ARSJ: variants seen among roughly 807,000 people sequenced by gnomAD.
ARSJ encodes the protein arylsulfatase J.
Under a neutral mutation model 35.9 loss-of-function variants are expected in ARSJ, and 26 were observed. The ratio of observed to expected loss-of-function variants is 0.72; its 90% CI spans 0.53 to 1.00. ARSJ has a LOEUF of 1.00. Among genes scored for constraint, ARSJ ranks in the 50% least tolerant of loss-of-function variants. ARSJ has a pLI of 0.00. For missense variants in ARSJ, 667 were observed against 723.6 expected (o/e 0.92, Z 0.90); for synonymous variants, 294 against 267.6 (o/e 1.10, Z -0.96).
chr4:113,908,451 G>T (rs769371837), intron 1 of ARSJ, among the ~76,000 whole-genome samples: 2 of 152,112 alleles, frequency 1.3e-5, no homozygotes, highest in Non-Finnish European at 2.9e-5. Context: ...ATAAATAAAA[G>T]ATATTTTATT....
At chr4:113,976,860 C>G (rs1727622119) in intron 1 of ARSJ, among the ~76,000 whole-genome samples, 1 of 152,162 alleles carries the variant, frequency 6.6e-6, no homozygotes, top group Admixed American at 6.5e-5. Flanking sequence ...CTTAGTTTCT[C>G]TTTCATTTTA....
chr4:113,924,301 C>G (rs1723915466), intron 1 of ARSJ, among the ~76,000 whole-genome samples: 1 of 151,058 alleles, frequency 6.6e-6, no homozygotes, highest in Non-Finnish European at 1.5e-5. Context: ...CTAGGCCAGT[C>G]TCTCCTTCTC....
intron 1 of ARSJ, chr4:113,970,960 A>C (rs1209853773): frequency 6.6e-6 from 1 of 152,142 alleles, no homozygotes; most frequent in African/African-American, 2.4e-5. Flanking sequence ...ATCTCAAAAA[A>C]CAGTAAAAAA....
intron 1 of ARSJ, among the ~76,000 whole-genome samples, chr4:113,916,899 A>T (rs1723341679): frequency 1.3e-5 from 2 of 152,196 alleles, no homozygotes; most frequent in African/African-American, 4.8e-5. Flanking sequence ...TGGAACAGAA[A>T]ATTTTGTAAC....
chr4:113,903,319 G>A lies in ARSJ; in HGVS notation c.755C>T (p.Ser252Phe), dbSNP rs1207618043. ...AAATATAGGCTTTGTGGGGTTATGG[G>A]AAGCTAAGATTTGCTGTACTCTCTG... ...YTQRVQQILA[S>F]HNPTKPIFLY... Residue 252 changes from serine to phenylalanine, a missense_variant, in exon 2 of 2, where the codon TCC becomes TTC. Physicochemically the swap from Ser to Phe is radical, Grantham distance 155 (BLOSUM62 -2). Transcript: ENST00000315366. 1 of 1,614,160 alleles carries A rather than the reference G, an allele frequency of 6.2e-7. No homozygotes were observed. The highest frequency in any genetic ancestry group is 1.1e-5 in the South Asian group (1 of 91,078).
At chr4:113,966,956 A>G (rs1186251970) in intron 1 of ARSJ, among the ~76,000 whole-genome samples, 1 of 152,178 alleles carries the variant, frequency 6.6e-6, no homozygotes, top group African/African-American at 2.4e-5. Flanking sequence ...AAGTTTCAAG[A>G]AAAGCATATC....
chr4:113,951,699 C>G (rs966040229), intron 1 of ARSJ, among the ~76,000 whole-genome samples: 1 of 152,082 alleles, frequency 6.6e-6, no homozygotes, highest in Non-Finnish European at 1.5e-5. Flanking sequence ...GACGCCTTCT[C>G]TCATTCTTCC....
At chr4:113,918,895 T>C (rs964037623) in intron 1 of ARSJ, among the ~76,000 whole-genome samples, 4 of 152,048 alleles carry the variant, frequency 2.6e-5, no homozygotes, top group African/African-American at 9.7e-5. Flanking sequence ...CAGGCTTAAG[T>C]GATCCTCTCA....
intron 1 of ARSJ, among the ~76,000 whole-genome samples, chr4:113,931,212 G>T (rs567017380): frequency 6.6e-6 from 1 of 151,636 alleles, no homozygotes; most frequent in South Asian, 2.1e-4. Context: ...ATAAATAAAT[G>T]TACATAAAAG....
intron 1 of ARSJ, among the ~76,000 whole-genome samples, chr4:113,950,307 G>A (rs114948434): frequency 6.6e-6 from 1 of 151,970 alleles, no homozygotes; most frequent in South Asian, 2.1e-4. Flanking sequence ...TTCCTTTTAT[G>A]CTCCCCTAAT....
At chr4:113,950,573 T>G (rs1725801638) in intron 1 of ARSJ, among the ~76,000 whole-genome samples, 1 of 151,422 alleles carries the variant, frequency 6.6e-6, no homozygotes. Context: ...GAATATAAGA[T>G]GAGGGAAAGG....
intron 1 of ARSJ, among the ~76,000 whole-genome samples, chr4:113,942,062 A>G (rs1725192230): frequency 2.0e-5 from 3 of 151,976 alleles, no homozygotes; most frequent in Admixed American, 2.0e-4. Flanking sequence ...TCCAGTTACA[A>G]GGAATCTTGT....
chr4:113,979,212 G>C lies in ARSJ; in HGVS notation c.-378C>G, dbSNP rs1217315813. ...GACAGGAACTTTTCGTGGCCAGAGC[G>C]CCCTCGACGTTGGGGAGCGAGGCTG... On this transcript the variant is annotated 5_prime_UTR_variant, in exon 1 of 2. Coordinates refer to ENST00000315366, the MANE Select transcript of ARSJ (RefSeq NM_024590.4). 5.8e-6 allele frequency: 1 copy of C among 172,096 alleles called. No individual in the cohort carries two copies. The highest frequency in any genetic ancestry group is 1.3e-5 in the Non-Finnish European group (1 of 79,900). The allele number at this position is 172,096 out of a possible 1,614,324, so 10.7% of individuals were successfully genotyped here.
chr4:113,932,047 G>A (rs886164540), intron 1 of ARSJ, among the ~76,000 whole-genome samples: 5 of 152,054 alleles, frequency 3.3e-5, no homozygotes, highest in Admixed American at 6.6e-5. Context: ...AAAAGACCAG[G>A]AGTAGCTATA....
At chr4:113,913,582 T>G (rs1435414675) in intron 1 of ARSJ, among the ~76,000 whole-genome samples, 1 of 152,198 alleles carries the variant, frequency 6.6e-6, no homozygotes, top group Non-Finnish European at 1.5e-5. Flanking sequence ...ACTTACAGAA[T>G]AAAATGTAAG....
chr4:113,968,560 A>G (rs1727038566), intron 1 of ARSJ, among the ~76,000 whole-genome samples: 1 of 152,196 alleles, frequency 6.6e-6, no homozygotes, highest in Non-Finnish European at 1.5e-5. Context: ...AGAACACTCT[A>G]CCAAAGGAAG....
rs1450661209 is a variant in ARSJ at position 113,901,766 on chromosome 4, C to A, written c.*508G>T. The A allele has an allele frequency of 3.2e-5, 5 of 157,886 alleles. No individual in the cohort carries two copies. Among genetic ancestry groups the A allele is most frequent in the Non-Finnish European group, 7.0e-5 (5 of 71,314 alleles). The allele number at this position is 157,886 out of a possible 1,614,324, so 9.8% of individuals were successfully genotyped here. On this transcript the variant is annotated 3_prime_UTR_variant, in exon 2 of 2. Transcript: ENST00000315366. Reference sequence around the variant, plus strand: ...ACCCAAGTGTCATATGACAGACATACAAAAATTCACCAAGAAAATATATTC... The same window carrying A: ...ACCCAAGTGTCATATGACAGACATAAAAAAATTCACCAAGAAAATATATTC...
At position 113,952,023 on chromosome 4, in the gene ARSJ, C is replaced by T. The variant is rs182071967; in HGVS notation, c.398+26414G>A. Among the ~76,000 whole-genome samples, 483 of 151,950 alleles carry T rather than the reference C, an allele frequency of 3.2e-3. 3 individuals carry two copies. The highest frequency in any genetic ancestry group is 0.011 in the African/African-American group (461 of 41,468). On this transcript the variant is annotated intron_variant, in intron 1 of 1. Transcript: ENST00000315366. Reference sequence around the variant, plus strand: ...AAACTGAGACATAGCATATGTATAACCTCCCCGGATTTTGCATGCTGGAAG... The same window carrying T: ...AAACTGAGACATAGCATATGTATAATCTCCCCGGATTTTGCATGCTGGAAG...
At chr4:113,904,595 C>T (rs1277598993) in intron 1 of ARSJ, among the ~76,000 whole-genome samples, 2 of 152,224 alleles carry the variant, frequency 1.3e-5, no homozygotes, top group African/African-American at 4.8e-5. Flanking sequence ...CGCCATTCTC[C>T]TGCCTCACCC....
Sources: gnomAD v4.1 joint callset for allele counts (sites outside exome capture counted in the v4.1 genomes callset) on GRCh38, gnomAD v4.1.1 for gene constraint, MANE v1.5 for transcripts, NCBI Gene and HGNC (gene_info 2026-07-23, HGNC 2026-07-21) for gene names.